Variants in SERPINB13 observed in about 807,000 individuals in gnomAD.
The protein encoded by SERPINB13 is serpin B13.
A neutral mutation model predicts 31.2 loss-of-function variants in SERPINB13; 26 were observed. That is an observed-to-expected ratio of 0.83 (90% CI 0.61 to 1.15). SERPINB13 has a LOEUF of 1.15. SERPINB13 is among the 50% of genes most tolerant of loss of function. SERPINB13 has a pLI of 0.00. For missense variants in SERPINB13, 510 were observed against 469.4 expected (o/e 1.09, Z -0.80); for synonymous variants, 191 against 172.4 (o/e 1.11, Z -0.85).
At chr18:63,594,078 C>A in intron 5 of SERPINB13, 1 of 1,139,642 alleles carries the variant, frequency 8.8e-7, no homozygotes, top group African/African-American at 1.6e-5. Flanking sequence ...GATTCCTCAG[C>A]TGATAAGAGG....
At chr18:63,596,393 A>T (rs1302000082) in intron 7 of SERPINB13, among the ~76,000 whole-genome samples, 1 of 152,232 alleles carries the variant, frequency 6.6e-6, no homozygotes, top group Middle Eastern at 3.2e-3. Context: ...TCGGTATTAA[A>T]TACACTGGAA....
chr18:63,591,885 T>C (rs1911875993), intron 3 of SERPINB13, among the ~76,000 whole-genome samples: 1 of 152,080 alleles, frequency 6.6e-6, no homozygotes, highest in African/African-American at 2.4e-5. Flanking sequence ...AGGATAAATC[T>C]CACTTCAGCC....
chr18:63,589,957 A>T, intron 3 of SERPINB13: 5 of 709,428 alleles, frequency 7.0e-6, no homozygotes, highest in East Asian at 6.5e-5. Flanking sequence ...TACCGCTATG[A>T]TAGAACTGGT....
Position 63,598,182 on chromosome 18 carries a change from A to C in SERPINB13, c.*819A>C, listed in dbSNP as rs1226223708. The stretch of plus-strand genomic sequence containing the variant: ...TATTTTCTGAAGATGCTTTTTGGAA[A>C]GCTCTGAATCTATACCTAATGCTCT... On this transcript the variant is annotated 3_prime_UTR_variant, in exon 8 of 8. Coordinates refer to ENST00000344731, the MANE Select transcript of SERPINB13 (RefSeq NM_012397.4). 3.3e-5 allele frequency: 5 copies of C among 151,476 alleles called. No homozygotes were observed. The highest frequency in any genetic ancestry group is 9.7e-5 in the African/African-American group (4 of 41,188). The allele number at this position is 151,476 out of a possible 1,614,324, so 9.4% of individuals were successfully genotyped here.
rs1158917559 is a variant in SERPINB13, at chr18:63,596,963, TA to T, written c.777del (p.Ile259MetfsTer4). 8.1e-6 allele frequency: 13 copies of T among 1,596,330 alleles called. No homozygotes were observed. The highest frequency in any genetic ancestry group is 1.0e-5 in the Non-Finnish European group (12 of 1,170,702). Reference protein sequence around the residue: ...PNDIDGLEKIIDKISPEKLVE... With the variant: ...PNDIDGLEKIXDKISPEKLVE... The stretch of plus-strand genomic sequence containing the variant: ...CTCTTCTTTTTTTGAAAATAGATAA[TA>T]GATAAAATAAGTCCTGAGAAATTGG... On this transcript the variant is annotated frameshift_variant, in exon 8 of 8. Transcript: ENST00000344731. LOFTEE classifies it low-confidence loss of function (END_TRUNC).
chr18:63,591,304 C>T (rs1046710107), intron 3 of SERPINB13, among the ~76,000 whole-genome samples: 4 of 152,184 alleles, frequency 2.6e-5, no homozygotes, highest in Non-Finnish European at 5.9e-5. Context: ...TAAGGGGATA[C>T]TTATAGCTCT....
At chr18:63,590,063 G>A (rs890737727) in intron 3 of SERPINB13, 2 of 205,570 alleles carry the variant, frequency 9.7e-6, no homozygotes, top group Admixed American at 5.8e-5. Flanking sequence ...ACTTAAGAGC[G>A]ATGCTACTTT....
In SERPINB13 at chr18:63,594,958, A is replaced by G; in HGVS notation, c.616-71A>G. On this transcript the variant is annotated intron_variant, in intron 6 of 7. Coordinates refer to ENST00000344731, the MANE Select transcript of SERPINB13 (RefSeq NM_012397.4). ...TAGATTGAGCTAATTATTTTGATGAACTAACTTGGTTGCCTTAATGCCTTT... is the reference window on the plus strand; with the variant it reads ...TAGATTGAGCTAATTATTTTGATGAGCTAACTTGGTTGCCTTAATGCCTTT... The G allele has an allele frequency of 2.9e-6, 4 of 1,403,024 alleles. No individual in the cohort carries two copies. In the East Asian group the frequency reaches 9.3e-5, roughly 33 times the overall value. The allele number at this position is 1,403,024 out of a possible 1,614,324, so 86.9% of individuals were successfully genotyped here. A position where few individuals can be genotyped will look rare whatever the true frequency, so the allele number is the denominator to read the frequency against.
rs1404250648 is a variant in SERPINB13, at chr18:63,594,396, T to C, written c.514T>C (p.Ser172Pro). 2.5e-6 allele frequency: 4 copies of C among 1,614,080 alleles called. No individual in the cohort carries two copies. Among genetic ancestry groups the C allele is most frequent in the Admixed American group, 3.3e-5 (2 of 60,008 alleles). The change falls in exon 6 of 8, where the codon TCT (serine) becomes CCT (proline). Residue 172 changes from serine (S) to proline (P), a missense_variant. By Grantham distance (74) the Ser-to-Pro change is moderately conservative. Coordinates refer to ENST00000344731, the MANE Select transcript of SERPINB13 (RefSeq NM_012397.4). ...GTTCCCAGATGGCTCTATTAGTAGCTCTACCAAGCTGGTGCTGGTGAACAT... is the reference window on the plus strand; with the variant it reads ...GTTCCCAGATGGCTCTATTAGTAGCCCTACCAAGCTGGTGCTGGTGAACAT... ...DLFPDGSISS[S>P]TKLVLVNMVY...
rs1268027484 is a variant in SERPINB13, at chr18:63,592,998, CA to C, written c.472+34del. 6.0e-6 allele frequency: 8 copies of C among 1,342,470 alleles called. No individual in the cohort carries two copies. The Admixed American group carries it at 6.2e-5, about 10-fold the overall frequency. 83.2% of individuals were successfully genotyped at this position (1,342,470 alleles called of 1,614,324 possible). ...TAGAGTATGGGTGGGTCATTCATTG[CA>C]AAAAAACAAAAACAAAGAAACAAAC... On this transcript the variant is annotated intron_variant, in intron 5 of 7. Coordinates refer to ENST00000344731, the MANE Select transcript of SERPINB13 (RefSeq NM_012397.4).
intron 7 of SERPINB13, among the ~76,000 whole-genome samples, chr18:63,596,551 C>G (rs1428555643): frequency 6.6e-6 from 1 of 152,110 alleles, no homozygotes; most frequent in East Asian, 1.9e-4. Flanking sequence ...AGAATATTAT[C>G]TAGCTGTTTG....
Position 63,589,869 on chromosome 18 carries a change from A to G in SERPINB13, c.225+154A>G, listed in dbSNP as rs1303663894. 9 of 1,412,900 alleles carry G rather than the reference A, an allele frequency of 6.4e-6. No homozygotes were observed. The East Asian group carries it at 2.0e-4, about 31-fold the overall frequency. 87.5% of individuals were successfully genotyped at this position (1,412,900 alleles called of 1,614,324 possible). A position where few individuals can be genotyped will look rare whatever the true frequency, so the allele number is the denominator to read the frequency against. ...ACTATTAAGCAATAATAATCACCAT[A>G]GACAAATATTGTTGTAAGGATTATA... On this transcript the variant is annotated intron_variant, in intron 3 of 7. Coordinates refer to ENST00000344731, the MANE Select transcript of SERPINB13 (RefSeq NM_012397.4).
chr18:63,597,560 G>A lies in SERPINB13; in HGVS notation c.*197G>A, dbSNP rs1912261554. 1.7e-6 allele frequency: 1 copy of A among 598,144 alleles called. No homozygotes were observed. The highest frequency in any genetic ancestry group is 2.8e-6 in the Non-Finnish European group (1 of 352,224). The allele number at this position is 598,144 out of a possible 1,614,324, so 37.1% of individuals were successfully genotyped here. ...TCGAAAGTGAAATGTCCTTTTCTTT[G>A]TGCCATGCGTAAGGTGAGTCAAACC... On this transcript the variant is annotated 3_prime_UTR_variant, in exon 8 of 8. Coordinates refer to ENST00000344731, the MANE Select transcript of SERPINB13 (RefSeq NM_012397.4).
intron 7 of SERPINB13, among the ~76,000 whole-genome samples, chr18:63,595,671 G>A (rs897320794): frequency 4.6e-5 from 7 of 151,980 alleles, no homozygotes; most frequent in African/African-American, 7.3e-5. Flanking sequence ...AGGCTGAGGC[G>A]GGCGGATCAC....
chr18:63,592,605 G>C, intron 4 of SERPINB13, 129 bp downstream of exon 4: 1 of 972,560 alleles, frequency 1.0e-6, no homozygotes, highest in Non-Finnish European at 1.5e-6. Context: ...TTTCCATCCT[G>C]ATCTACAGAT....
At chr18:63,588,886 G>A in intron 2 of SERPINB13, 54 bp downstream of exon 2, 9 of 1,563,800 alleles carry the variant, frequency 5.8e-6, no homozygotes, top group Non-Finnish European at 6.1e-6. Flanking sequence ...TCATTTGGCG[G>A]GGGGGTTGTC....
At chr18:63,590,339 G>A (rs992656051) in intron 3 of SERPINB13, among the ~76,000 whole-genome samples, 3 of 152,150 alleles carry the variant, frequency 2.0e-5, no homozygotes, top group Non-Finnish European at 2.9e-5. Flanking sequence ...CCATTAGGTC[G>A]GGGCTAGGAT....
At chr18:63,589,789 G>A (rs1371534468) in intron 3 of SERPINB13, 74 bp downstream of exon 3, 1 of 1,609,100 alleles carries the variant, frequency 6.2e-7, no homozygotes, top group Admixed American at 1.7e-5. Context: ...CATTTTAGGT[G>A]TGGGGTCTCT....
At position 63,597,148 on chromosome 18, in the gene SERPINB13, T is replaced by G. The variant is rs1316187157; in HGVS notation, c.961T>G (p.Ser321Ala). ...EHKADYSGMS[S>A]GSGLYAQKFL... ...CAAAGCCGACTACTCGGGAATGTCG[T>G]CAGGCTCCGGGTTGTACGCCCAGAA... The change falls in exon 8 of 8, where the codon TCA (serine) becomes GCA (alanine). Residue 321 changes from serine (S) to alanine (A), a missense_variant. Transcript: ENST00000344731. 6.2e-7 allele frequency: 1 copy of G among 1,614,082 alleles called. No individual in the cohort carries two copies. The highest frequency in any genetic ancestry group is 1.3e-5 in the African/African-American group (1 of 74,928).
Sources: gnomAD v4.1 joint callset for allele counts (sites outside exome capture counted in the v4.1 genomes callset) on GRCh38, gnomAD v4.1.1 for gene constraint, MANE v1.5 for transcripts, NCBI Gene and HGNC (gene_info 2026-07-23, HGNC 2026-07-21) for gene names.